SGCZ: variants seen among roughly 807,000 people sequenced by gnomAD.
The protein encoded by SGCZ is sarcoglycan zeta.
Under a neutral mutation model 41.3 loss-of-function variants are expected in SGCZ, and 40 were observed. That is an observed-to-expected ratio of 0.97 (90% CI 0.75 to 1.26). SGCZ has a LOEUF of 1.26. Ranked by LOEUF, SGCZ falls within the 50% of genes most tolerant of loss-of-function variation. The probability of loss-of-function intolerance (pLI) is 0.00; values close to 1 mark genes in which losing one functional copy is unlikely to be tolerated. For missense variants in SGCZ, 552 were observed against 369.8 expected (o/e 1.49, Z -4.04); for synonymous variants, 206 against 137.5 (o/e 1.50, Z -3.49).
intron 1 of SGCZ, among the ~76,000 whole-genome samples, chr8:14,876,980 A>G (rs879552185): frequency 1.3e-5 from 2 of 152,016 alleles, no homozygotes; most frequent in Admixed American, 6.6e-5. Context: ...CTTCATTTTT[A>G]TTTTTTTATT....
chr8:14,695,027 A>G (rs1269095377), intron 1 of SGCZ, among the ~76,000 whole-genome samples: 12 of 152,214 alleles, frequency 7.9e-5, no homozygotes, highest in Admixed American at 7.2e-4. Flanking sequence ...AAGAGCAGAG[A>G]CTTGCAATGC....
chr8:14,603,063 G>C (rs561819158), intron 1 of SGCZ, among the ~76,000 whole-genome samples: 103 of 152,222 alleles, frequency 6.8e-4, no homozygotes, highest in African/African-American at 2.5e-3. Context: ...TTCTAGTAGG[G>C]GACTTGACAT....
At chr8:14,666,923 ATG>A (rs1807929594) in intron 1 of SGCZ, among the ~76,000 whole-genome samples, 1 of 69,684 alleles carries the variant, frequency 1.4e-5, no homozygotes, top group Non-Finnish European at 2.4e-5. Flanking sequence ...CCCTAGAAAT[ATG>A]TTTGTATATA....
rs116702571 is a variant in SGCZ, at chr8:14,551,321, G to A, written c.234+3411C>T. ...ATGCCTGGATTTGAGAGACCTGCTAGACTAGTCTATTAACTAAACCACAAA... is the reference window on the plus strand; with the variant it reads ...ATGCCTGGATTTGAGAGACCTGCTAAACTAGTCTATTAACTAAACCACAAA... On this transcript the variant is annotated intron_variant, in intron 2 of 7. Transcript: ENST00000382080. Among the ~76,000 whole-genome samples the A allele has an allele frequency of 7.0e-3, 985 of 141,600 alleles. 12 individuals carry two copies. Among genetic ancestry groups the A allele is most frequent in the African/African-American group, 0.024 (925 of 38,582 alleles). 92.9% of individuals were successfully genotyped at this position (141,600 alleles called of 152,430 possible).
intron 1 of SGCZ, among the ~76,000 whole-genome samples, chr8:14,911,320 T>C (rs1799274091): frequency 1.3e-5 from 2 of 152,068 alleles, no homozygotes; most frequent in Admixed American, 6.6e-5. Flanking sequence ...ACTGATTTAC[T>C]GATCTCCATA....
At chr8:14,373,970 C>T (rs1348055892) in intron 2 of SGCZ, among the ~76,000 whole-genome samples, 17 of 151,024 alleles carry the variant, frequency 1.1e-4, no homozygotes, top group Non-Finnish European at 1.0e-4. Flanking sequence ...ACATGTGCCC[C>T]GGAACTTAAA....
At chr8:14,270,374 C>G (rs1800017503) in intron 3 of SGCZ, among the ~76,000 whole-genome samples, 1 of 151,828 alleles carries the variant, frequency 6.6e-6, no homozygotes, top group Non-Finnish European at 1.5e-5. Flanking sequence ...ACGATATGTA[C>G]AAATTTTACA....
chr8:14,226,807 G>C (rs1006841429), intron 4 of SGCZ, among the ~76,000 whole-genome samples: 1 of 152,038 alleles, frequency 6.6e-6, no homozygotes, highest in Non-Finnish European at 1.5e-5. Context: ...GTAATGTTTT[G>C]CATTCCTAGC....
intron 1 of SGCZ, among the ~76,000 whole-genome samples, chr8:14,699,293 G>A (rs1265243878): frequency 6.6e-6 from 1 of 151,130 alleles, no homozygotes; most frequent in East Asian, 1.9e-4. Context: ...GAATAGGTCA[G>A]AGAACCCAGA....
intron 2 of SGCZ, among the ~76,000 whole-genome samples, chr8:14,366,384 A>T (rs1215394321): frequency 6.6e-6 from 1 of 152,126 alleles, no homozygotes; most frequent in South Asian, 2.1e-4. Context: ...CCGATCTTGT[A>T]AGAATTCACT....
chr8:14,931,202 T>A (rs1799914259), intron 1 of SGCZ, among the ~76,000 whole-genome samples: 1 of 152,120 alleles, frequency 6.6e-6, no homozygotes, highest in Non-Finnish European at 1.5e-5. Context: ...GATTACATAA[T>A]CTGCACTTAC....
chr8:14,398,152 A>G (rs1563303415), intron 2 of SGCZ, among the ~76,000 whole-genome samples: 2 of 152,146 alleles, frequency 1.3e-5, no homozygotes, highest in South Asian at 4.1e-4. Flanking sequence ...GTGGAAGGGA[A>G]GGACAGGAGC....
chr8:14,652,366 G>GA (rs1807434454), intron 1 of SGCZ, among the ~76,000 whole-genome samples: 1 of 139,916 alleles, frequency 7.1e-6, no homozygotes, highest in Non-Finnish European at 1.5e-5. Context: ...GTGGGGGGGA[G>GA]AAAACACTGA....
At chr8:15,165,974 T>G (rs962208711) in intron 1 of SGCZ, among the ~76,000 whole-genome samples, 2 of 152,224 alleles carry the variant, frequency 1.3e-5, no homozygotes, top group African/African-American at 4.8e-5. Flanking sequence ...AGGATTTTGC[T>G]TCTTCAACAT....
At chr8:14,893,149 T>C (rs1042638369) in intron 1 of SGCZ, among the ~76,000 whole-genome samples, 2 of 152,244 alleles carry the variant, frequency 1.3e-5, no homozygotes, top group East Asian at 1.9e-4. Flanking sequence ...ACATGGGTCC[T>C]GAGAAGTGAA....
At chr8:14,261,856 C>A (rs139785791) in intron 3 of SGCZ, among the ~76,000 whole-genome samples, 1 of 152,034 alleles carries the variant, frequency 6.6e-6, no homozygotes, top group African/African-American at 2.4e-5. Context: ...CATTTGAAGA[C>A]GGTCAGAGGA....
At chr8:14,535,081 C>G (rs1329720778) in intron 2 of SGCZ, among the ~76,000 whole-genome samples, 5 of 151,950 alleles carry the variant, frequency 3.3e-5, no homozygotes, top group African/African-American at 1.2e-4. Context: ...TTTTCTGCAT[C>G]TGTTTATGCA....
At chr8:15,208,655 C>T (rs1303084070) in intron 1 of SGCZ, among the ~76,000 whole-genome samples, 2 of 152,056 alleles carry the variant, frequency 1.3e-5, no homozygotes, top group Non-Finnish European at 2.9e-5. Flanking sequence ...AGCAATGTGT[C>T]AGTTGAGGCA....
chr8:14,492,147 T>C (rs1682339341), intron 2 of SGCZ, among the ~76,000 whole-genome samples: 2 of 152,200 alleles, frequency 1.3e-5, no homozygotes, highest in South Asian at 4.1e-4. Context: ...AAATGTTTAT[T>C]TTATAGATAA....
Sources: gnomAD v4.1 joint callset for allele counts (sites outside exome capture counted in the v4.1 genomes callset) on GRCh38, gnomAD v4.1.1 for gene constraint, MANE v1.5 for transcripts, NCBI Gene and HGNC (gene_info 2026-07-23, HGNC 2026-07-21) for gene names.